Variants in GALNT13 observed in about 807,000 individuals in gnomAD.
GALNT13 encodes the protein polypeptide N-acetylgalactosaminyltransferase 13.
A neutral mutation model predicts 64.2 loss-of-function variants in GALNT13; 28 were observed. That is an observed-to-expected ratio of 0.44 (90% CI 0.32 to 0.60). The LOEUF (loss-of-function observed/expected upper bound fraction) is 0.60. GALNT13 is among the 20% of genes least tolerant of loss of function. GALNT13 has a pLI of 0.05. For synonymous variants in GALNT13, 214 were observed against 224.6 expected, an observed-to-expected ratio of 0.95 and a Z score of 0.42; for missense variants, 577 against 669.8, an observed-to-expected ratio of 0.86 and a Z score of 1.53.
At chr2:153,993,628 G>A (rs556519866) in intron 3 of GALNT13, among the ~76,000 whole-genome samples, 2 of 141,068 alleles carry the variant, frequency 1.4e-5, no homozygotes, top group South Asian at 2.2e-4. Context: ...CTTGGGAGGC[G>A]AAGCTTGCAT....
At chr2:153,843,526 A>G in the GALNT13 span, among the ~76,000 whole-genome samples, 1 of 152,198 alleles carries the variant, frequency 6.6e-6, no homozygotes, top group African/African-American at 2.4e-5. Flanking sequence ...AAACGATATC[A>G]TTCTATCCCT....
the GALNT13 span, among the ~76,000 whole-genome samples, chr2:153,691,173 A>C: frequency 6.6e-6 from 1 of 152,174 alleles, no homozygotes; most frequent in Non-Finnish European, 1.5e-5. Flanking sequence ...CAATTTTATG[A>C]ATAAATCTCT....
chr2:153,918,115 T>TA (rs1217755486), intron 2 of GALNT13, among the ~76,000 whole-genome samples: 1 of 152,170 alleles, frequency 6.6e-6, no homozygotes, highest in African/African-American at 2.4e-5. Context: ...TAGGAGTTCA[T>TA]TGAGATTTTA....
the GALNT13 span, among the ~76,000 whole-genome samples, chr2:153,285,541 G>A: frequency 1.3e-5 from 2 of 152,024 alleles, no homozygotes; most frequent in African/African-American, 2.4e-5. Flanking sequence ...TAGAAGAAAA[G>A]GATAATATTT....
chr2:154,048,267 C>T (rs13414640), intron 3 of GALNT13, among the ~76,000 whole-genome samples: 8,262 of 152,144 alleles, frequency 0.054, 468 homozygotes, highest in African/African-American at 0.14. Context: ...TCACCTCCCA[C>T]GGGGTTTAGG....
the GALNT13 span, among the ~76,000 whole-genome samples, chr2:153,592,081 T>TAA: frequency 4.0e-5 from 6 of 149,314 alleles, no homozygotes; most frequent in Middle Eastern, 3.5e-3. Flanking sequence ...TATATATATA[T>TAA]AAAATGCTCA....
the GALNT13 span, among the ~76,000 whole-genome samples, chr2:153,619,171 A>C: frequency 6.6e-6 from 1 of 151,588 alleles, no homozygotes; most frequent in Admixed American, 6.6e-5. Flanking sequence ...CTGGCTTTTT[A>C]TTTTCTGTGT....
At chr2:153,914,723 C>G (rs1056334200) in intron 2 of GALNT13, among the ~76,000 whole-genome samples, 2 of 152,070 alleles carry the variant, frequency 1.3e-5, no homozygotes, top group African/African-American at 2.4e-5. Flanking sequence ...ATTCCACCCC[C>G]CAACCCCCGA....
the GALNT13 span, among the ~76,000 whole-genome samples, chr2:153,607,587 T>G: frequency 6.6e-6 from 1 of 152,280 alleles, no homozygotes; most frequent in Admixed American, 6.5e-5. Flanking sequence ...TATCTTTCAT[T>G]TCAGTTGAAA....
At chr2:153,325,231 T>C in the GALNT13 span, among the ~76,000 whole-genome samples, 874 of 149,606 alleles carry the variant, frequency 5.8e-3, 9 homozygotes, top group African/African-American at 0.02. Flanking sequence ...TCTTGGGAGG[T>C]GTATGTGTCC....
the GALNT13 span, among the ~76,000 whole-genome samples, chr2:153,183,646 C>A: frequency 6.4e-4 from 98 of 152,208 alleles, no homozygotes; most frequent in African/African-American, 2.3e-3. Context: ...AATTTTTGCA[C>A]ATGGTGTAAG....
At chr2:153,495,566 A>T in the GALNT13 span, among the ~76,000 whole-genome samples, 2 of 152,222 alleles carry the variant, frequency 1.3e-5, no homozygotes, top group African/African-American at 2.4e-5. Context: ...AAAACAAAAC[A>T]AGCAAACAAA....
intron 3 of GALNT13, among the ~76,000 whole-genome samples, chr2:154,058,593 G>A (rs1700018760): frequency 6.6e-6 from 1 of 152,142 alleles, no homozygotes; most frequent in African/African-American, 2.4e-5. Flanking sequence ...GCAAACACAT[G>A]AAGTTTGTCC....
chr2:154,167,243 C>T (rs369726704), intron 4 of GALNT13, among the ~76,000 whole-genome samples: 2 of 151,960 alleles, frequency 1.3e-5, no homozygotes, highest in African/African-American at 4.8e-5. Flanking sequence ...AGGCATATTC[C>T]CTGCCATTGC....
chr2:153,433,981 C>G, the GALNT13 span, among the ~76,000 whole-genome samples: 1 of 151,878 alleles, frequency 6.6e-6, no homozygotes, highest in African/African-American at 2.4e-5. Context: ...CCTCCCTGCT[C>G]CCCCCACCCC....
At chr2:154,075,113 T>G (rs1202088020) in intron 3 of GALNT13, among the ~76,000 whole-genome samples, 2 of 151,812 alleles carry the variant, frequency 1.3e-5, no homozygotes, top group Admixed American at 1.3e-4. Context: ...ACAAGCTATC[T>G]CTCTTCATGG....
At chr2:153,558,737 T>C in the GALNT13 span, among the ~76,000 whole-genome samples, 2 of 152,198 alleles carry the variant, frequency 1.3e-5, no homozygotes, top group African/African-American at 4.8e-5. Flanking sequence ...CCGTTAAAAT[T>C]TATTGGTTGC....
the GALNT13 span, among the ~76,000 whole-genome samples, chr2:153,222,307 T>TGGGGGGGGGG: frequency 9.5e-4 from 6 of 6,316 alleles, no homozygotes; most frequent in Admixed American, 1.2e-3. Context: ...TGAGTCTGGC[T>TGGGGGGGGGG]GGGGGGGGGG....
chr2:154,404,214 G>A (rs1304860488), intron 10 of GALNT13, among the ~76,000 whole-genome samples: 1 of 152,146 alleles, frequency 6.6e-6, no homozygotes, highest in African/African-American at 2.4e-5. Context: ...CACATTGAAT[G>A]TGGAGTAGTT....
Sources: gnomAD v4.1 joint callset for allele counts (sites outside exome capture counted in the v4.1 genomes callset) on GRCh38, gnomAD v4.1.1 for gene constraint, MANE v1.5 for transcripts, NCBI Gene and HGNC (gene_info 2026-07-23, HGNC 2026-07-21) for gene names.